PTPRN2: variants seen among roughly 807,000 people sequenced by gnomAD.
PTPRN2 encodes receptor-type tyrosine-protein phosphatase N2.
PTPRN2 carries 74 observed loss-of-function variants against 118.8 expected under a neutral mutation model. That is an observed-to-expected ratio of 0.62 (90% CI 0.52 to 0.76). The LOEUF (loss-of-function observed/expected upper bound fraction) is 0.76, where lower values mean the gene tolerates loss of function less well. Among genes scored for constraint, PTPRN2 ranks in the 30% least tolerant of loss-of-function variants. The pLI, the probability that PTPRN2 is intolerant of heterozygous loss-of-function variation, is 0.00. For missense variants in PTPRN2, 1,481 were observed against 1,394.4 expected, an observed-to-expected ratio of 1.06 and a Z score of -0.99; for synonymous variants, 641 against 608.0, an observed-to-expected ratio of 1.05 and a Z score of -0.80.
At chr7:157,579,629 G>A (rs1333645492) in intron 17 of PTPRN2, among the ~76,000 whole-genome samples, 6 of 152,218 alleles carry the variant, frequency 3.9e-5, no homozygotes, top group Non-Finnish European at 7.3e-5. Context: ...GGACCCGGAC[G>A]GCCTGGAAGC....
At chr7:158,447,546 G>A (rs1204541083) in intron 2 of PTPRN2, among the ~76,000 whole-genome samples, 5 of 152,150 alleles carry the variant, frequency 3.3e-5, no homozygotes, top group African/African-American at 7.2e-5. Flanking sequence ...TGCTGCCCAC[G>A]CGGCCCGATA....
At chr7:158,353,280 G>A (rs1336287302) in intron 2 of PTPRN2, among the ~76,000 whole-genome samples, 1 of 152,172 alleles carries the variant, frequency 6.6e-6, no homozygotes, top group African/African-American at 2.4e-5. Context: ...CACAATAGAA[G>A]TTAAGGTCAG....
chr7:158,172,914 TAGC>T (rs1216486578), intron 5 of PTPRN2, among the ~76,000 whole-genome samples: 1 of 131,394 alleles, frequency 7.6e-6, no homozygotes, highest in Non-Finnish European at 1.6e-5. Flanking sequence ...CCACCATCAA[TAGC>T]AGCATCCCCA....
Position 158,301,498 on chromosome 7 carries a change from G to A in PTPRN2, c.277+15321C>T, listed in dbSNP as rs796698306. On this transcript the variant is annotated intron_variant, in intron 3 of 22. Coordinates refer to ENST00000389418, the MANE Select transcript of PTPRN2 (RefSeq NM_002847.5). ...AATGCTCTGTATTTATCAGCTTCCC[G>A]GTTAACCTACACACCACTCCCCAGC... Among the ~76,000 whole-genome samples the A allele has an allele frequency of 8.5e-5, 13 of 152,264 alleles. No individual in the cohort carries two copies. In the East Asian group the frequency reaches 9.6e-4, roughly 11 times the overall value.
At chr7:157,646,822 C>A (rs1459401990) in intron 14 of PTPRN2, among the ~76,000 whole-genome samples, 6 of 152,244 alleles carry the variant, frequency 3.9e-5, no homozygotes, top group African/African-American at 1.4e-4. Flanking sequence ...ATGGCAGCCA[C>A]TGGGAGGTCA....
intron 12 of PTPRN2, among the ~76,000 whole-genome samples, chr7:157,855,765 G>A (rs1267165977): frequency 6.6e-6 from 1 of 152,208 alleles, no homozygotes; most frequent in Non-Finnish European, 1.5e-5. Context: ...CACTTTTAGA[G>A]GATGAGGAAA....
intron 3 of PTPRN2, among the ~76,000 whole-genome samples, chr7:158,242,566 T>C (rs1381984114): frequency 6.6e-6 from 1 of 152,250 alleles, no homozygotes; most frequent in Non-Finnish European, 1.5e-5. Context: ...TTTGGAAGTG[T>C]TTCCTCCTCT....
chr7:158,529,169 G>A lies in PTPRN2; in HGVS notation c.113-39384C>T, dbSNP rs927589356. Among the ~76,000 whole-genome samples, 14 of 152,352 alleles carry A rather than the reference G, an allele frequency of 9.2e-5. No homozygotes were observed. The highest frequency in any genetic ancestry group is 2.9e-4 in the African/African-American group (12 of 41,574). On this transcript the variant is annotated intron_variant, in intron 1 of 22. Coordinates refer to ENST00000389418, the MANE Select transcript of PTPRN2 (RefSeq NM_002847.5). The surrounding 1 kb of genome is among the most constrained non-coding windows in gnomAD (Gnocchi z 4.7). ...TGGGACACAGGACATTAGAATGCCC[G>A]CAGCACTCACACAGCACCTGGTGGG...
intron 19 of PTPRN2, among the ~76,000 whole-genome samples, chr7:157,576,141 G>A (rs569088494): frequency 7.1e-4 from 108 of 152,292 alleles, no homozygotes; most frequent in African/African-American, 2.4e-3. Context: ...AAGAGGGTCA[G>A]TTTCAAAATA....
chr7:158,091,221 C>A (rs554676588), intron 10 of PTPRN2, among the ~76,000 whole-genome samples: 6 of 152,304 alleles, frequency 3.9e-5, no homozygotes, highest in South Asian at 2.1e-4. Context: ...ACTGCCTAAG[C>A]AGTAGTTAAC....
chr7:157,571,509 A>G lies in PTPRN2; in HGVS notation c.2784-16T>C. On this transcript the variant is annotated splice_polypyrimidine_tract_variant and intron_variant, in intron 19 of 22. Transcript: ENST00000389418. ...GTTTACTTTTCTGAAATAAAAAGAG[A>G]TATAAAAATTATCGTTGTGTACTAA... 1.3e-6 allele frequency: 2 copies of G among 1,592,966 alleles called. No individual in the cohort carries two copies. Among genetic ancestry groups the G allele is most frequent in the South Asian group, 1.1e-5 (1 of 88,786 alleles).
intron 4 of PTPRN2, among the ~76,000 whole-genome samples, chr7:158,196,275 G>A (rs979708578): frequency 6.6e-6 from 1 of 152,150 alleles, no homozygotes; most frequent in African/African-American, 2.4e-5. Context: ...ACTCTGACCT[G>A]TGAACTCAAG....
chr7:157,719,515 C>T (rs567077672), intron 12 of PTPRN2, among the ~76,000 whole-genome samples: 3 of 152,384 alleles, frequency 2.0e-5, no homozygotes, highest in African/African-American at 7.2e-5. Flanking sequence ...ATCCCGGCCT[C>T]CTGGGAACGC....
In PTPRN2 at chr7:157,796,600, C is replaced by T. The variant is rs111936069; in HGVS notation, c.1788+102073G>A. 6.2e-3 allele frequency among the ~76,000 whole-genome samples: 937 copies of T among 152,306 alleles called. 8 individuals carry two copies. The highest frequency in any genetic ancestry group is 0.021 in the African/African-American group (871 of 41,562). ...GGTATTAGTCCATTCTCCATGGCTACAAAGAAACACCTGAGACTGGATGAT... is the reference window on the plus strand; with the variant it reads ...GGTATTAGTCCATTCTCCATGGCTATAAAGAAACACCTGAGACTGGATGAT... On this transcript the variant is annotated intron_variant, in intron 12 of 22. Transcript: ENST00000389418.
chr7:157,796,418 G>A (rs1022941136), intron 12 of PTPRN2, among the ~76,000 whole-genome samples: 2 of 152,224 alleles, frequency 1.3e-5, no homozygotes, highest in African/African-American at 4.8e-5. Context: ...CTGCCCCTGC[G>A]GGGTAAACTG....
intron 12 of PTPRN2, among the ~76,000 whole-genome samples, chr7:157,762,679 G>A (rs1486789951): frequency 6.6e-6 from 1 of 151,640 alleles, no homozygotes; most frequent in African/African-American, 2.4e-5. Context: ...CACCAGCATG[G>A]CACATGTATA....
chr7:157,599,952 C>T (rs1801571753), intron 16 of PTPRN2, among the ~76,000 whole-genome samples: 1 of 113,296 alleles, frequency 8.8e-6, no homozygotes, highest in East Asian at 2.8e-4. Flanking sequence ...TCCACCTGCC[C>T]ACATCTCCAC....
At chr7:157,695,891 A>C (rs1326958466) in intron 12 of PTPRN2, among the ~76,000 whole-genome samples, 2 of 152,028 alleles carry the variant, frequency 1.3e-5, no homozygotes, top group African/African-American at 4.8e-5. Context: ...ACCCATGCAT[A>C]CTGGGTCTTG....
intron 3 of PTPRN2, among the ~76,000 whole-genome samples, chr7:158,248,505 T>A (rs1796401514): frequency 1.4e-5 from 2 of 144,712 alleles, no homozygotes; most frequent in African/African-American, 5.1e-5. Context: ...TGTGTAGGAC[T>A]GAACAAAACA....
Sources: allele counts gnomAD v4.1 joint callset (sites outside exome capture counted in the v4.1 genomes callset), GRCh38; gene constraint gnomAD v4.1.1; non-coding constraint Gnocchi (gnomAD v3.1); transcripts MANE v1.5; gene names NCBI Gene and HGNC (gene_info 2026-07-23, HGNC 2026-07-21).